The following NFS1 variants were observed in gnomAD, a reference collection of about 807,000 sequenced individuals.
NFS1 encodes cysteine desulfurase.
In NFS1, 26 loss-of-function variants were observed where a neutral mutation model predicts 57.3. That is an observed-to-expected ratio of 0.45 (90% CI 0.33 to 0.63). The LOEUF (loss-of-function observed/expected upper bound fraction) is 0.63, where lower values mean the gene tolerates loss of function less well. Ranked by LOEUF, NFS1 falls within the 20% of genes least tolerant of loss-of-function variation. The pLI is 0.02. For synonymous variants in NFS1, 209 were observed against 216.3 expected, an observed-to-expected ratio of 0.97 and a Z score of 0.30; for missense variants, 505 against 605.8, an observed-to-expected ratio of 0.83 and a Z score of 1.75.
intron 5 of NFS1, among the ~76,000 whole-genome samples, chr20:35,684,691 A>G (rs1410129908): frequency 6.6e-6 from 1 of 151,418 alleles, no homozygotes; most frequent in Non-Finnish European, 1.5e-5. Context: ...CAGAGGTTGC[A>G]ATGAGCCAAG....
intron 4 of NFS1, among the ~76,000 whole-genome samples, chr20:35,695,493 G>A (rs1010833054): frequency 4.6e-5 from 7 of 152,304 alleles, no homozygotes; most frequent in East Asian, 1.9e-4. Flanking sequence ...AAACACCAAC[G>A]TGACTACTAA....
chr20:35,682,886 G>C, intron 5 of NFS1: 1 of 161,646 alleles, frequency 6.2e-6, no homozygotes, highest in Non-Finnish European at 1.3e-5. Flanking sequence ...AGACCATCCT[G>C]GCTAACACAG....
intron 4 of NFS1, among the ~76,000 whole-genome samples, chr20:35,693,603 G>A (rs1177864916): frequency 6.6e-6 from 1 of 152,140 alleles, no homozygotes; most frequent in Non-Finnish European, 1.5e-5. Context: ...AAAGGCAGGA[G>A]GATCACATGA....
Position 35,675,186 on chromosome 20 carries a change from G to A in NFS1, c.807C>T (p.Tyr269=). The A allele has an allele frequency of 6.2e-7, 1 of 1,612,864 alleles. No individual in the cohort carries two copies. The highest frequency in any genetic ancestry group is 8.5e-7 in the Non-Finnish European group (1 of 1,179,480). The change falls in exon 8 of 13, where the codon TAC becomes TAT. Residue 269 remains tyrosine (Y), a synonymous_variant. Coordinates refer to ENST00000374092, the MANE Select transcript of NFS1 (RefSeq NM_021100.5). ...IYGPKGVGAI[Y]IRRRPRVRVE... The stretch of plus-strand genomic sequence containing the variant: ...CACGCACACGGGGCCGGCGACGGAT[G>A]TAGATGGCACCAACCCCTGGGAAAC...
intron 4 of NFS1, chr20:35,692,233 G>T: frequency 3.6e-6 from 1 of 275,450 alleles, no homozygotes; most frequent in Non-Finnish European, 7.0e-6. Flanking sequence ...AATTAGCGAG[G>T]TGTGGTGGCA....
Position 35,668,157 on chromosome 20 carries a change from G to T in NFS1, c.*1465C>A, listed in dbSNP as rs1273339710. The T allele has an allele frequency of 6.6e-6, 1 of 152,122 alleles. No homozygotes were observed. Among genetic ancestry groups the T allele is most frequent in the Non-Finnish European group, 1.5e-5 (1 of 68,008 alleles). The allele number at this position is 152,122 out of a possible 1,614,324, so 9.4% of individuals were successfully genotyped here. A position where few individuals can be genotyped will look rare whatever the true frequency, so the allele number is the denominator to read the frequency against. On this transcript the variant is annotated 3_prime_UTR_variant, in exon 13 of 13. Transcript: ENST00000374092. ...ATCTAAAATTATTCTAAGTAAAAAA[G>T]ATATTTTTCAACAAGAAAAATTCTA... is the stretch of plus-strand genomic sequence containing the variant.
At position 35,697,712 on chromosome 20, in the gene NFS1, C is replaced by G; in HGVS notation, c.296G>C (p.Ser99Thr). ...ACGAGCACGTTCCATGGCTGCCTCA[C>G]TCTCCCAGCCATAAGCATGTGTCCG... ...HSRTHAYGWESEAAMERARQQ... is the reference protein window; with the variant it reads ...HSRTHAYGWETEAAMERARQQ... The change falls in exon 3 of 13, where the codon AGT becomes ACT. Residue 99 changes from serine (S) to threonine (T), a missense_variant. Physicochemically the swap from Ser to Thr is moderately conservative, Grantham distance 58. Transcript: ENST00000374092. 2 of 1,613,668 alleles carry G rather than the reference C, an allele frequency of 1.2e-6. No individual in the cohort carries two copies. Among genetic ancestry groups the G allele is most frequent in the Non-Finnish European group, 1.7e-6 (2 of 1,179,762 alleles).
chr20:35,682,676 C>G (rs2034869014), intron 5 of NFS1: 1 of 152,340 alleles, frequency 6.6e-6, no homozygotes, highest in Non-Finnish European at 1.5e-5. Flanking sequence ...GTAGCCCCAG[C>G]CACTTCGGAG....
intron 7 of NFS1, among the ~76,000 whole-genome samples, chr20:35,677,482 G>C (rs1388652632): frequency 1.3e-5 from 2 of 152,138 alleles, no homozygotes. Flanking sequence ...GCTGCAGTGA[G>C]CTATGATCGT....
At position 35,673,588 on chromosome 20, in the gene NFS1, T is replaced by C. The variant is rs777580385; in HGVS notation, c.1220+13A>G. On this transcript the variant is annotated intron_variant, in intron 11 of 12. Transcript: ENST00000374092. ...GGATGCCTTTCATAAATGTTGCAGCTCAACTCACTGACCTGATAGAAGAGT... is the reference window on the plus strand; with the variant it reads ...GGATGCCTTTCATAAATGTTGCAGCCCAACTCACTGACCTGATAGAAGAGT... The C allele has an allele frequency of 3.7e-6, 6 of 1,609,778 alleles. No homozygotes were observed. The highest frequency in any genetic ancestry group is 3.3e-5 in the South Asian group (3 of 90,792).
In NFS1 at chr20:35,699,043, G is replaced by A. The variant is rs2035195362; in HGVS notation, c.97+149C>T. The A allele has an allele frequency of 8.3e-6, 11 of 1,321,756 alleles. No homozygotes were observed. Among genetic ancestry groups the A allele is most frequent in the Non-Finnish European group, 1.1e-5 (11 of 1,038,634 alleles). The allele number at this position is 1,321,756 out of a possible 1,614,324, so 81.9% of individuals were successfully genotyped here. ...GCCGGGGTCAACCGTTCGGGGACCC[G>A]CCTAAGAAAGTTTGAGGGATGTGTC... On this transcript the variant is annotated intron_variant, in intron 1 of 12. Transcript: ENST00000374092. This position sits in a 1 kb window ranked among gnomAD's most constrained non-coding sequence, Gnocchi z 4.4.
chr20:35,674,358 G>T lies in NFS1; in HGVS notation c.1128C>A (p.Ser376=). ...TATGCCGTCCAGCTCACCTCCCTGA[G>T]GATAAGGCAACGTCCTTCAGTGCCA... ...LLMALKDVAL[S]SGSACTSASL... The change falls in exon 10 of 13, where the codon TCC becomes TCA. Residue 376 remains serine (S), a synonymous_variant. Coordinates refer to ENST00000374092, the MANE Select transcript of NFS1 (RefSeq NM_021100.5). 1 of 1,613,920 alleles carries T rather than the reference G, an allele frequency of 6.2e-7. No homozygotes were observed. Among genetic ancestry groups the T allele is most frequent in the Non-Finnish European group, 8.5e-7 (1 of 1,179,958 alleles).
At chr20:35,673,765 C>A in intron 10 of NFS1, 81 bp from the exon 11 acceptor site, 3 of 1,142,154 alleles carry the variant, frequency 2.6e-6, no homozygotes, top group Non-Finnish European at 3.9e-6. Flanking sequence ...TGTTCCCATC[C>A]CCCAGGGCCC....
Position 35,675,050 on chromosome 20 carries a change from T to A in NFS1, c.943A>T (p.Met315Leu). 2.5e-6 allele frequency: 4 copies of A among 1,613,814 alleles called. No individual in the cohort carries two copies. The highest frequency in any genetic ancestry group is 3.4e-6 in the Non-Finnish European group (4 of 1,179,844). The change falls in exon 8 of 13, where the codon ATG becomes TTG. Residue 315 changes from methionine to leucine, a missense_variant. Coordinates refer to ENST00000374092, the MANE Select transcript of NFS1 (RefSeq NM_021100.5). ...GAACEVAQQE[M>L]EYDHKRISKL... ...GGGAACTGCTCTCCCCATACCTCCA[T>A]CTCTTGCTGTGCCACCTCACACGCA...
intron 5 of NFS1, among the ~76,000 whole-genome samples, chr20:35,688,482 A>G (rs1237609367): frequency 6.6e-6 from 1 of 150,624 alleles, no homozygotes; most frequent in African/African-American, 2.5e-5. Flanking sequence ...GTTTGAACCC[A>G]GGAAGCAGTG....
chr20:35,685,363 A>G (rs1438852008), intron 5 of NFS1, among the ~76,000 whole-genome samples: 1 of 151,568 alleles, frequency 6.6e-6, no homozygotes, highest in Non-Finnish European at 1.5e-5. Flanking sequence ...TCTCATTCAT[A>G]AATAAATATA....
In NFS1 at chr20:35,697,871, C is replaced by G. The variant is rs62211676; in HGVS notation, c.208-71G>C. On this transcript the variant is annotated intron_variant, in intron 2 of 12. Transcript: ENST00000374092. ...TCAGGTCCCACTCCACCCCTCAGACCTGGCCACCCTGCCTTAAGACACTCT... is the reference window on the plus strand; with the variant it reads ...TCAGGTCCCACTCCACCCCTCAGACGTGGCCACCCTGCCTTAAGACACTCT... 0.02 allele frequency: 19,918 copies of G among 983,966 alleles called. 234 individuals carry two copies. The highest frequency in any genetic ancestry group is 0.024 in the Non-Finnish European group (15,371 of 632,916). The allele number at this position is 983,966 out of a possible 1,614,324, so 61.0% of individuals were successfully genotyped here.
intron 4 of NFS1, among the ~76,000 whole-genome samples, chr20:35,690,775 G>A (rs1364300186): frequency 1.3e-5 from 2 of 152,160 alleles, no homozygotes; most frequent in East Asian, 1.9e-4. Context: ...GTACAAGACT[G>A]CCCCTAGTTC....
intron 10 of NFS1, 42 bp downstream of exon 10, chr20:35,674,308 A>G: frequency 2.7e-6 from 4 of 1,506,554 alleles, no homozygotes; most frequent in Non-Finnish European, 2.8e-6. Context: ...TGACTCTTCT[A>G]AGTGGCCCTG....
Sources: allele counts gnomAD v4.1 joint callset (sites outside exome capture counted in the v4.1 genomes callset), GRCh38; gene constraint gnomAD v4.1.1; non-coding constraint Gnocchi (gnomAD v3.1); transcripts MANE v1.5; gene names NCBI Gene and HGNC (gene_info 2026-07-23, HGNC 2026-07-21).